CCDC171: variants seen among roughly 807,000 people sequenced by gnomAD.
CCDC171 encodes coiled-coil domain containing 171.
A neutral mutation model predicts 168.2 loss-of-function variants in CCDC171; 177 were observed. The observed-to-expected ratio is 1.05, with a 90% CI of 0.93 to 1.19. CCDC171 has a LOEUF of 1.19. Among genes scored for constraint, CCDC171 ranks in the 50% most tolerant of loss-of-function variants. The pLI, the probability that CCDC171 is intolerant of heterozygous loss-of-function variation, is 0.00. For missense variants in CCDC171, 1,991 were observed against 1,539.0 expected (o/e 1.29, Z -4.91); for synonymous variants, 687 against 540.8 (o/e 1.27, Z -3.75).
At chr9:15,751,519 A>C (rs952940593) in intron 18 of CCDC171, among the ~76,000 whole-genome samples, 3 of 150,970 alleles carry the variant, frequency 2.0e-5, no homozygotes, top group African/African-American at 4.8e-5. Flanking sequence ...GCCTGACTTC[A>C]AAACAGTAAT....
intron 6 of CCDC171, among the ~76,000 whole-genome samples, chr9:15,613,495 G>C (rs1025480038): frequency 1.1e-4 from 16 of 151,120 alleles, no homozygotes; most frequent in Non-Finnish European, 3.0e-5. Context: ...AAAAACAAAT[G>C]GTTTTGATTT....
chr9:15,935,596 G>T (rs1234587730), intron 25 of CCDC171, among the ~76,000 whole-genome samples: 14 of 152,016 alleles, frequency 9.2e-5, no homozygotes, highest in Admixed American at 9.2e-4. Flanking sequence ...TAATATAAAT[G>T]TAAGTCATTT....
chr9:15,661,821 T>C (rs971539632), intron 8 of CCDC171, among the ~76,000 whole-genome samples: 1 of 152,202 alleles, frequency 6.6e-6, no homozygotes, highest in Non-Finnish European at 1.5e-5. Flanking sequence ...TAAAAGAAGG[T>C]AGCAATGTAG....
At chr9:15,723,821 G>A in intron 13 of CCDC171, 75 bp downstream of exon 13, 1 of 649,710 alleles carries the variant, frequency 1.5e-6, no homozygotes, top group Non-Finnish European at 2.5e-6. Flanking sequence ...TTAAAGTAGA[G>A]ATATTGAGGT....
intron 6 of CCDC171, among the ~76,000 whole-genome samples, chr9:15,605,323 C>G (rs2043138951): frequency 1.3e-5 from 2 of 151,880 alleles, no homozygotes; most frequent in African/African-American, 4.8e-5. Context: ...AAACTATGTA[C>G]TGGTATCCTA....
At chr9:16,037,668 GAAAC>G (rs768209457) in intron 8 of CCDC171, among the ~76,000 whole-genome samples, 21 of 151,954 alleles carry the variant, frequency 1.4e-4, no homozygotes, top group Non-Finnish European at 2.4e-4. Flanking sequence ...ATTTTAAAAA[GAAAC>G]AAATGAAACT....
At chr9:15,663,526 C>T (rs1047560022) in intron 8 of CCDC171, among the ~76,000 whole-genome samples, 4 of 151,928 alleles carry the variant, frequency 2.6e-5, no homozygotes, top group African/African-American at 4.8e-5. Flanking sequence ...TGATGTGGAA[C>T]CTGCTATTTT....
intron 1 of CCDC171, among the ~76,000 whole-genome samples, chr9:16,059,393 G>A (rs1486502765): frequency 6.6e-6 from 1 of 151,994 alleles, no homozygotes; most frequent in Non-Finnish European, 1.5e-5. Context: ...TGCGTCCGGT[G>A]TCCGGAGAGG....
At chr9:15,677,881 TATA>T (rs1252042206) in intron 9 of CCDC171, among the ~76,000 whole-genome samples, 27 of 7,688 alleles carry the variant, frequency 3.5e-3, no homozygotes, top group Admixed American at 0.013. Flanking sequence ...GTGTGTGTCA[TATA>T]TATATATATA....
At chr9:15,767,207 C>T (rs940669942) in intron 18 of CCDC171, among the ~76,000 whole-genome samples, 3 of 152,150 alleles carry the variant, frequency 2.0e-5, no homozygotes, top group Admixed American at 6.5e-5. Context: ...GATCAGATGT[C>T]TGAAATAGGT....
In CCDC171 at chr9:15,695,513, G is replaced by A. The variant is rs114549878; in HGVS notation, c.1318+176G>A. On this transcript the variant is annotated intron_variant, in intron 11 of 25. Coordinates refer to ENST00000380701, the MANE Select transcript of CCDC171 (RefSeq NM_173550.4). ...GCCTAGCTGGCTGAGAAAGGGTGAC[G>A]GAATATGGACCTGCTGTTGTCCTCC... Among the ~76,000 whole-genome samples, 364 of 152,300 alleles carry A rather than the reference G, an allele frequency of 2.4e-3. 3 individuals are homozygous for A. The highest frequency in any genetic ancestry group is 8.2e-3 in the African/African-American group (339 of 41,554).
chr9:16,071,842 G>T, the CCDC171 span, among the ~76,000 whole-genome samples: 1 of 152,058 alleles, frequency 6.6e-6, no homozygotes, highest in Admixed American at 6.5e-5. Flanking sequence ...TCCCTTAAAA[G>T]CCTCTTACCT....
intron 25 of CCDC171, among the ~76,000 whole-genome samples, chr9:15,963,904 G>A (rs1022857162): frequency 1.3e-5 from 2 of 152,164 alleles, no homozygotes; most frequent in African/African-American, 4.8e-5. Flanking sequence ...TATGACCTAA[G>A]TTCTAGTCAA....
intron 4 of CCDC171, among the ~76,000 whole-genome samples, chr9:15,589,077 G>A (rs1175981900): frequency 1.3e-5 from 2 of 152,006 alleles, no homozygotes; most frequent in African/African-American, 4.8e-5. Context: ...GAAGGGACAT[G>A]TGTTACTACT....
chr9:15,798,254 T>C (rs534738497), intron 21 of CCDC171, among the ~76,000 whole-genome samples: 81 of 152,254 alleles, frequency 5.3e-4, no homozygotes, highest in African/African-American at 1.6e-3. Flanking sequence ...GCTTGTTGGA[T>C]CTGTTGTGAT....
At chr9:15,964,341 A>T (rs1345259929) in intron 25 of CCDC171, among the ~76,000 whole-genome samples, 1 of 152,156 alleles carries the variant, frequency 6.6e-6, no homozygotes, top group African/African-American at 2.4e-5. Context: ...TCAGACTTTC[A>T]GTGGCATTTT....
At chr9:15,870,663 GT>G (rs892241388) in intron 23 of CCDC171, among the ~76,000 whole-genome samples, 16 of 149,046 alleles carry the variant, frequency 1.1e-4, no homozygotes, top group African/African-American at 2.5e-4. Flanking sequence ...ATGAGTGTGT[GT>G]TTTTTTTTTA....
chr9:15,573,146 G>T (rs1231750728), intron 3 of CCDC171, among the ~76,000 whole-genome samples: 1 of 152,118 alleles, frequency 6.6e-6, no homozygotes, highest in Non-Finnish European at 1.5e-5. Flanking sequence ...GGCAACAGAG[G>T]AGAGTATGAA....
intron 2 of CCDC171, among the ~76,000 whole-genome samples, chr9:15,569,846 C>CAAAAAAAA (rs1314811546): frequency 5.0e-5 from 7 of 139,814 alleles, no homozygotes; most frequent in African/African-American, 1.9e-4. Flanking sequence ...AACAAACAAA[C>CAAAAAAAA]AAAAAAAAAA....
Sources: gnomAD v4.1 joint callset for allele counts (sites outside exome capture counted in the v4.1 genomes callset) on GRCh38, gnomAD v4.1.1 for gene constraint, MANE v1.5 for transcripts, NCBI Gene and HGNC (gene_info 2026-07-23, HGNC 2026-07-21) for gene names.